Variants in PDE4D observed in about 807,000 individuals in gnomAD.
PDE4D encodes phosphodiesterase 4D.
Under a neutral mutation model 87.4 loss-of-function variants are expected in PDE4D, and 24 were observed. The ratio of observed to expected loss-of-function variants is 0.27; its 90% CI spans 0.20 to 0.39. PDE4D has a LOEUF of 0.39. PDE4D is among the 10% of genes least tolerant of loss of function. The pLI is 1.00. For missense variants in PDE4D, 714 were observed against 1,041.0 expected (o/e 0.69, Z 4.32); for synonymous variants, 384 against 383.2 (o/e 1.00, Z -0.02).
At chr5:59,849,283 C>T (rs147708168) in intron 1 of PDE4D, among the ~76,000 whole-genome samples, 38 of 151,842 alleles carry the variant, frequency 2.5e-4, no homozygotes, top group East Asian at 7.8e-4. Flanking sequence ...ATCTTGAGTA[C>T]GGAATGATGT....
intron 11 of PDE4D, among the ~76,000 whole-genome samples, chr5:58,979,547 G>T (rs1027293138): frequency 6.6e-6 from 1 of 152,174 alleles, no homozygotes; most frequent in African/African-American, 2.4e-5. Context: ...TTTCATCAAA[G>T]ACACTAATCC....
chr5:59,953,736 T>A (rs1758540469), intron 3 of PDE4D, among the ~76,000 whole-genome samples: 1 of 152,210 alleles, frequency 6.6e-6, no homozygotes, highest in Admixed American at 6.5e-5. Flanking sequence ...TTCATTTGTA[T>A]AAATATGACT....
chr5:59,133,354 G>C (rs1776550256), intron 5 of PDE4D, among the ~76,000 whole-genome samples: 1 of 152,218 alleles, frequency 6.6e-6, no homozygotes, highest in South Asian at 2.1e-4. Context: ...GTGAAGATAA[G>C]CAAGTTAAGT....
intron 1 of PDE4D, chr5:60,521,311 C>T (rs925041235): frequency 6.6e-6 from 1 of 152,184 alleles, no homozygotes; most frequent in Non-Finnish European, 1.5e-5. Context: ...GTCCTATATG[C>T]TTGAAGAATT....
intron 1 of PDE4D, among the ~76,000 whole-genome samples, chr5:60,422,449 TTG>T (rs1194578638): frequency 2.6e-5 from 4 of 152,156 alleles, no homozygotes; most frequent in Non-Finnish European, 5.9e-5. Flanking sequence ...AAACTAAGCT[TTG>T]TAAGTGAAGG....
At chr5:58,986,867 TC>T (rs1746550732) in intron 11 of PDE4D, among the ~76,000 whole-genome samples, 1 of 152,100 alleles carries the variant, frequency 6.6e-6, no homozygotes, top group South Asian at 2.1e-4. Context: ...TAATTTGTCT[TC>T]TAAATCTACT....
At chr5:59,334,864 C>A (rs144908990) in intron 1 of PDE4D, among the ~76,000 whole-genome samples, 1 of 151,980 alleles carries the variant, frequency 6.6e-6, no homozygotes, top group Non-Finnish European at 1.5e-5. Flanking sequence ...ATAAGAATAA[C>A]AGAAATCATC....
rs568912894 is a variant in PDE4D, at chr5:59,472,303, G to A, written c.456-256335C>T. 1.1e-3 allele frequency among the ~76,000 whole-genome samples: 161 copies of A among 152,142 alleles called. 1 individual carries two copies. Among genetic ancestry groups the A allele is most frequent in the Admixed American group, 0.01 (155 of 15,274 alleles). On this transcript the variant is annotated intron_variant, in intron 1 of 14. Transcript: ENST00000340635. ...ATGACTGGAAGCCAACTTGCATAGC[G>A]CTCTTTATACGCAAAGACTGATTTT...
intron 2 of PDE4D, among the ~76,000 whole-genome samples, chr5:60,163,912 C>A (rs1425009008): frequency 2.0e-5 from 3 of 152,170 alleles, no homozygotes; most frequent in Non-Finnish European, 4.4e-5. Flanking sequence ...AATCTGTACA[C>A]ACCACAAATG....
intron 1 of PDE4D, among the ~76,000 whole-genome samples, chr5:60,308,937 C>T (rs746709569): frequency 7.4e-4 from 113 of 152,090 alleles, no homozygotes; most frequent in Middle Eastern, 3.4e-3. Context: ...AACTCTTCTC[C>T]GAAAAATATA....
chr5:59,074,659 G>T (rs1197723056), intron 5 of PDE4D, among the ~76,000 whole-genome samples: 1 of 152,148 alleles, frequency 6.6e-6, no homozygotes, highest in African/African-American at 2.4e-5. Flanking sequence ...TTAGGTGGCT[G>T]AGGTGGAAGG....
chr5:59,653,842 A>C (rs1351297434), intron 1 of PDE4D, among the ~76,000 whole-genome samples: 2 of 143,046 alleles, frequency 1.4e-5, no homozygotes, highest in Non-Finnish European at 3.0e-5. Context: ...AAGAAGGAAG[A>C]GGAAAAGGGG....
intron 1 of PDE4D, chr5:59,768,569 C>A (rs1763102751): frequency 1.3e-6 from 2 of 1,583,302 alleles, no homozygotes; most frequent in Non-Finnish European, 8.5e-7. Flanking sequence ...CCCTCGCTCA[C>A]GGTCCCGGAA....
At chr5:59,753,053 T>C (rs1760713436) in intron 1 of PDE4D, among the ~76,000 whole-genome samples, 1 of 152,174 alleles carries the variant, frequency 6.6e-6, no homozygotes, top group Non-Finnish European at 1.5e-5. Flanking sequence ...GGTTGAATAG[T>C]TGCCCCAGAG....
At chr5:60,365,441 G>A (rs1400303182) in intron 1 of PDE4D, among the ~76,000 whole-genome samples, 1 of 152,104 alleles carries the variant, frequency 6.6e-6, no homozygotes. Context: ...TACTCTATTT[G>A]TCAAGTCCCT....
chr5:59,150,958 A>T (rs1025438082), intron 5 of PDE4D, among the ~76,000 whole-genome samples: 1 of 152,176 alleles, frequency 6.6e-6, no homozygotes, highest in African/African-American at 2.4e-5. Flanking sequence ...CAAAAACCAG[A>T]CCAGATATAT....
At chr5:59,824,573 A>G (rs1033202495) in intron 1 of PDE4D, among the ~76,000 whole-genome samples, 5 of 152,242 alleles carry the variant, frequency 3.3e-5, no homozygotes, top group Admixed American at 3.3e-4. Context: ...TTGAGTATCT[A>G]TCTTTATATA....
chr5:59,962,050 A>G (rs189409749), intron 3 of PDE4D, among the ~76,000 whole-genome samples: 66 of 152,026 alleles, frequency 4.3e-4, no homozygotes, highest in Non-Finnish European at 7.4e-4. Flanking sequence ...TTTATCCTTA[A>G]TTTTTTTAGA....
intron 1 of PDE4D, among the ~76,000 whole-genome samples, chr5:59,416,836 C>T (rs1245422607): frequency 1.3e-5 from 2 of 152,024 alleles, no homozygotes; most frequent in East Asian, 1.9e-4. Context: ...AGCACTTACC[C>T]ATAGAATAAT....
Sources: allele counts gnomAD v4.1 joint callset (sites outside exome capture counted in the v4.1 genomes callset), GRCh38; gene constraint gnomAD v4.1.1; transcripts MANE v1.5; gene names NCBI Gene and HGNC (gene_info 2026-07-23, HGNC 2026-07-21).